The following CSMD1 variants were observed in gnomAD, a reference collection of about 807,000 sequenced individuals.
CSMD1 encodes the protein CUB and Sushi multiple domains 1.
Under a neutral mutation model 417.5 loss-of-function variants are expected in CSMD1, and 213 were observed. That is an observed-to-expected ratio of 0.51 (90% confidence interval 0.46 to 0.57). The LOEUF is 0.57. Ranked by LOEUF, CSMD1 falls within the 20% of genes least tolerant of loss-of-function variation. The pLI is 0.00. For synonymous variants in CSMD1, 2,862 were observed against 1,736.8 expected, an observed-to-expected ratio of 1.65 and a Z score of -16.11; for missense variants, 6,923 against 4,529.7, an observed-to-expected ratio of 1.53 and a Z score of -15.17.
intron 5 of CSMD1, among the ~76,000 whole-genome samples, chr8:3,896,505 C>CTATTAT (rs570513032): frequency 4.0e-5 from 6 of 151,024 alleles, no homozygotes; most frequent in Admixed American, 6.6e-5. Context: ...AATATTATTA[C>CTATTAT]TATTATTATT....
At position 4,724,843 on chromosome 8, in the gene CSMD1, T is replaced by C. The variant is rs1457149738; in HGVS notation, c.86-87285A>G. Among the ~76,000 whole-genome samples the C allele has an allele frequency of 2.0e-5, 3 of 152,060 alleles. No individual in the cohort carries two copies. In the East Asian group the frequency reaches 5.8e-4, roughly 29 times the overall value. ...GTTGAATATAGCCTGTATGTTTAAA[T>C]TTGAAATCTGACGGAAGTATACTTC... On this transcript the variant is annotated intron_variant, in intron 1 of 69. Transcript: ENST00000635120.
At chr8:4,630,337 A>T (rs2724953) in intron 2 of CSMD1, among the ~76,000 whole-genome samples, 105,238 of 151,522 alleles carry the variant, frequency 0.69, 37,133 homozygotes, top group Admixed American at 0.79. Context: ...AGGCTGCATA[A>T]TAATATCACT....
At chr8:4,683,214 A>G (rs1471296050) in intron 1 of CSMD1, among the ~76,000 whole-genome samples, 1 of 152,062 alleles carries the variant, frequency 6.6e-6, no homozygotes, top group South Asian at 2.1e-4. Flanking sequence ...ACAACTTAGT[A>G]TTACCATGAA....
chr8:4,898,879 A>G (rs970146159), intron 1 of CSMD1, among the ~76,000 whole-genome samples: 5 of 152,204 alleles, frequency 3.3e-5, no homozygotes, highest in African/African-American at 7.2e-5. Context: ...TTTTAACATA[A>G]CAGCTAGATA....
At chr8:3,878,616 ATC>A (rs1805994438) in intron 5 of CSMD1, among the ~76,000 whole-genome samples, 1 of 152,210 alleles carries the variant, frequency 6.6e-6, no homozygotes, top group African/African-American at 2.4e-5. Context: ...TGTAAGATCT[ATC>A]TCTGTTTATT....
intron 67 of CSMD1, 30 bp from the exon 68 acceptor site, chr8:2,949,416 T>G: frequency 5.0e-6 from 1 of 200,150 alleles, no homozygotes; most frequent in Non-Finnish European, 8.3e-6. Flanking sequence ...AGAAAAGAAA[T>G]AAAAAGGTAT....
intron 18 of CSMD1, among the ~76,000 whole-genome samples, chr8:3,381,037 G>A (rs1350435850): frequency 6.6e-6 from 1 of 152,128 alleles, no homozygotes; most frequent in Non-Finnish European, 1.5e-5. Context: ...TCAAAATTAT[G>A]TATCTCAAAT....
At chr8:4,446,577 G>A (rs993814722) in intron 2 of CSMD1, among the ~76,000 whole-genome samples, 2 of 152,072 alleles carry the variant, frequency 1.3e-5, no homozygotes, top group African/African-American at 2.4e-5. Context: ...TGGGGAAGAT[G>A]GAGTCTCATT....
chr8:3,296,184 G>T (rs903289858), intron 25 of CSMD1, among the ~76,000 whole-genome samples: 1 of 151,962 alleles, frequency 6.6e-6, no homozygotes, highest in Admixed American at 6.6e-5. Context: ...TATTAAATGG[G>T]GTGGTTAGGC....
intron 26 of CSMD1, among the ~76,000 whole-genome samples, chr8:3,252,025 C>T (rs955997278): frequency 1.1e-4 from 17 of 152,324 alleles, no homozygotes; most frequent in African/African-American, 3.8e-4. Context: ...GACAATTTGA[C>T]TTCCTCTTTT....
At chr8:2,977,012 C>A (rs1018982848) in intron 55 of CSMD1, among the ~76,000 whole-genome samples, 5 of 149,748 alleles carry the variant, frequency 3.3e-5, no homozygotes, top group African/African-American at 1.2e-4. Flanking sequence ...TTTAAAGATT[C>A]AATTCACAAG....
At chr8:4,543,215 T>A (rs933541390) in intron 2 of CSMD1, among the ~76,000 whole-genome samples, 1 of 152,152 alleles carries the variant, frequency 6.6e-6, no homozygotes, top group Admixed American at 6.5e-5. Flanking sequence ...TTTTGCCAAA[T>A]GTACAAAGTC....
chr8:3,330,231 G>A (rs1806802462), intron 23 of CSMD1, among the ~76,000 whole-genome samples: 1 of 152,146 alleles, frequency 6.6e-6, no homozygotes, highest in African/African-American at 2.4e-5. Context: ...GGAACATATG[G>A]TTAAAAACAA....
At chr8:4,392,707 C>T (rs1803928264) in intron 3 of CSMD1, among the ~76,000 whole-genome samples, 1 of 151,358 alleles carries the variant, frequency 6.6e-6, no homozygotes, top group Admixed American at 6.6e-5. Flanking sequence ...CAGTGGCTGA[C>T]ACCTGTAATA....
intron 1 of CSMD1, among the ~76,000 whole-genome samples, chr8:4,905,651 C>T (rs934963652): frequency 5.9e-5 from 9 of 151,466 alleles, no homozygotes; most frequent in African/African-American, 1.9e-4. Flanking sequence ...AACCCCGTCT[C>T]TACTAAAACT....
At chr8:3,145,328 C>T (rs1458584718) in intron 40 of CSMD1, among the ~76,000 whole-genome samples, 1 of 152,148 alleles carries the variant, frequency 6.6e-6, no homozygotes, top group Admixed American at 6.6e-5. Flanking sequence ...AATGTGCTCA[C>T]TTCAGATGCG....
At chr8:4,975,102 G>A (rs900346766) in intron 1 of CSMD1, among the ~76,000 whole-genome samples, 2 of 152,036 alleles carry the variant, frequency 1.3e-5, no homozygotes, top group Non-Finnish European at 2.9e-5. Flanking sequence ...TACCAAGAAG[G>A]GCTAGGTCCC....
At position 4,942,877 on chromosome 8, in the gene CSMD1, A is replaced by G. The variant is rs556091738; in HGVS notation, c.85+51455T>C. Among the ~76,000 whole-genome samples the G allele has an allele frequency of 4.6e-5, 7 of 152,360 alleles. No individual in the cohort carries two copies. In the South Asian group the frequency reaches 1.2e-3, roughly 27 times the overall value. On this transcript the variant is annotated intron_variant, in intron 1 of 69. Coordinates refer to ENST00000635120, the MANE Select transcript of CSMD1 (RefSeq NM_033225.6). ...CCTTTATTTGTATCCAAAACATTCT[A>G]TGAAAGCTTTTTGGAAAGATATAAA...
At chr8:4,624,073 G>A (rs944453586) in intron 2 of CSMD1, among the ~76,000 whole-genome samples, 75 of 152,192 alleles carry the variant, frequency 4.9e-4, no homozygotes, top group South Asian at 2.1e-4. Context: ...TAGCTCTTGC[G>A]TAAAGAAATC....
Sources: gnomAD v4.1 joint callset for allele counts (sites outside exome capture counted in the v4.1 genomes callset) on GRCh38, gnomAD v4.1.1 for gene constraint, MANE v1.5 for transcripts, NCBI Gene and HGNC (gene_info 2026-07-23, HGNC 2026-07-21) for gene names.